The following SLC25A21 variants were observed in gnomAD, a reference collection of about 807,000 sequenced individuals.
SLC25A21 encodes solute carrier family 25 member 21.
SLC25A21 carries 47 observed loss-of-function variants against 43.8 expected under a neutral mutation model. The observed-to-expected ratio is 1.07, with a 90% CI of 0.85 to 1.37. The LOEUF is 1.37. SLC25A21 is among the 40% of genes most tolerant of loss of function. The pLI, the probability that SLC25A21 is intolerant of heterozygous loss-of-function variation, is 0.00. For missense variants in SLC25A21, 352 were observed against 350.2 expected (o/e 1.00, Z -0.04); for synonymous variants, 131 against 121.3 (o/e 1.08, Z -0.52).
intron 1 of SLC25A21, among the ~76,000 whole-genome samples, chr14:37,166,345 G>A (rs953989569): frequency 1.3e-5 from 2 of 152,220 alleles, no homozygotes; most frequent in African/African-American, 4.8e-5. Flanking sequence ...AGTCTGTATG[G>A]ATTGTATTTG....
chr14:36,883,754 G>A (rs1023461949), intron 1 of SLC25A21, among the ~76,000 whole-genome samples: 5 of 152,064 alleles, frequency 3.3e-5, no homozygotes, highest in Admixed American at 1.3e-4. Context: ...TTAGTGTACC[G>A]AAAAGGAACT....
intron 1 of SLC25A21, among the ~76,000 whole-genome samples, chr14:37,045,177 T>A (rs1961561370): frequency 6.6e-6 from 1 of 152,172 alleles, no homozygotes; most frequent in Non-Finnish European, 1.5e-5. Flanking sequence ...TATTTCTGAG[T>A]ATGCAGTTAC....
chr14:36,938,999 T>C (rs781235438), intron 1 of SLC25A21, among the ~76,000 whole-genome samples: 67 of 152,310 alleles, frequency 4.4e-4, no homozygotes, highest in Non-Finnish European at 7.8e-4. Flanking sequence ...CCAAGTTCTG[T>C]AAACTGAATT....
At position 37,172,571 on chromosome 14, in the gene SLC25A21, G is replaced by C; in HGVS notation, c.-221C>G. On this transcript the variant is annotated 5_prime_UTR_variant, in exon 1 of 10. Coordinates refer to ENST00000331299, the MANE Select transcript of SLC25A21 (RefSeq NM_030631.4). ...AACCTGTTCGCAGCGCTCTCGCAGA[G>C]GCGCCCTCGGCTCCGAAAATGTCTC... The C allele has an allele frequency of 1.4e-6, 1 of 701,994 alleles. No individual in the cohort carries two copies. Among genetic ancestry groups the C allele is most frequent in the Non-Finnish European group, 2.6e-6 (1 of 385,058 alleles). The allele number at this position is 701,994 out of a possible 1,614,324, so 43.5% of individuals were successfully genotyped here.
chr14:36,705,105 A>G (rs2139177153), intron 7 of SLC25A21, among the ~76,000 whole-genome samples: 1 of 152,082 alleles, frequency 6.6e-6, no homozygotes, highest in Admixed American at 6.5e-5. Flanking sequence ...GCTGGGTGCA[A>G]TCTCTGCTCA....
At chr14:36,856,553 C>A (rs1402098870) in intron 2 of SLC25A21, among the ~76,000 whole-genome samples, 3 of 152,168 alleles carry the variant, frequency 2.0e-5, no homozygotes, top group Non-Finnish European at 4.4e-5. Context: ...CCACTGACTG[C>A]TTCCTCTTTA....
At chr14:37,019,340 T>A (rs1960934226) in intron 1 of SLC25A21, among the ~76,000 whole-genome samples, 1 of 151,830 alleles carries the variant, frequency 6.6e-6, no homozygotes, top group African/African-American at 2.4e-5. Context: ...CTTTCTTATA[T>A]TTTTGGTCTC....
chr14:37,169,011 G>A (rs756480231), intron 1 of SLC25A21, among the ~76,000 whole-genome samples: 4 of 152,092 alleles, frequency 2.6e-5, no homozygotes, highest in Admixed American at 6.6e-5. Context: ...TCAGTTGAAC[G>A]CAAGACTTTC....
intron 1 of SLC25A21, among the ~76,000 whole-genome samples, chr14:36,934,997 CTT>C (rs35742799): frequency 6.8e-6 from 1 of 146,948 alleles, no homozygotes. Flanking sequence ...GGTTCTTTAT[CTT>C]TTTTTTTTTG....
At chr14:37,072,069 C>T (rs1245172859) in intron 1 of SLC25A21, among the ~76,000 whole-genome samples, 2 of 150,904 alleles carry the variant, frequency 1.3e-5, no homozygotes. Flanking sequence ...GTAATCCCAG[C>T]TACTCAGGAG....
Position 36,734,593 on chromosome 14 carries a change from T to C in SLC25A21, c.204-20A>G. The C allele has an allele frequency of 6.3e-7, 1 of 1,579,486 alleles. No homozygotes were observed. The highest frequency in any genetic ancestry group is 1.2e-5 in the South Asian group (1 of 86,810). On this transcript the variant is annotated intron_variant, in intron 3 of 9. Transcript: ENST00000331299. ...AATAACCTGTTGGAGAAATAAAAGA[T>C]TTCCTATGAGTAAGGAAATTAGGCA...
At chr14:36,684,695 C>A (rs1181866365) in intron 8 of SLC25A21, 49 bp downstream of exon 8, 2 of 1,525,040 alleles carry the variant, frequency 1.3e-6, no homozygotes, top group Non-Finnish European at 1.8e-6. Flanking sequence ...ACGGTTCTAA[C>A]AATACGTGAG....
At chr14:36,880,556 A>G (rs751031517) in intron 1 of SLC25A21, among the ~76,000 whole-genome samples, 3 of 152,142 alleles carry the variant, frequency 2.0e-5, no homozygotes, top group Non-Finnish European at 4.4e-5. Flanking sequence ...ACTTTGCACA[A>G]TGGCTGGTAC....
At chr14:36,800,907 C>T (rs552813748) in intron 3 of SLC25A21, among the ~76,000 whole-genome samples, 2 of 152,230 alleles carry the variant, frequency 1.3e-5, no homozygotes, top group South Asian at 4.1e-4. Context: ...TGTGCATAAA[C>T]ATTGAAAAGC....
At chr14:37,170,226 G>T (rs1226246070) in intron 1 of SLC25A21, among the ~76,000 whole-genome samples, 1 of 151,064 alleles carries the variant, frequency 6.6e-6, no homozygotes, top group East Asian at 1.9e-4. Flanking sequence ...AGTAGAAACG[G>T]GGTTTCACCA....
intron 3 of SLC25A21, among the ~76,000 whole-genome samples, chr14:36,791,341 C>A (rs1407677515): frequency 6.6e-6 from 1 of 152,132 alleles, no homozygotes; most frequent in Non-Finnish European, 1.5e-5. Flanking sequence ...CTTATTTCCT[C>A]TACCTAAACA....
At chr14:36,764,345 A>G (rs1886319170) in intron 3 of SLC25A21, among the ~76,000 whole-genome samples, 1 of 151,684 alleles carries the variant, frequency 6.6e-6, no homozygotes, top group African/African-American at 2.4e-5. Context: ...CCCCCAGTAG[A>G]AACTGTGTCT....
intron 5 of SLC25A21, among the ~76,000 whole-genome samples, chr14:36,729,094 C>T (rs1363737365): frequency 6.6e-6 from 1 of 152,164 alleles, no homozygotes. Flanking sequence ...GTGACTTTAT[C>T]CCAAGGGATC....
At chr14:37,054,383 A>G (rs1961775002) in intron 1 of SLC25A21, among the ~76,000 whole-genome samples, 1 of 152,186 alleles carries the variant, frequency 6.6e-6, no homozygotes, top group African/African-American at 2.4e-5. Context: ...GACCTATACA[A>G]TCATGTGATA....
Sources: allele counts gnomAD v4.1 joint callset (sites outside exome capture counted in the v4.1 genomes callset), GRCh38; gene constraint gnomAD v4.1.1; transcripts MANE v1.5; gene names NCBI Gene and HGNC (gene_info 2026-07-23, HGNC 2026-07-21).